The following EIPR1 variants were observed in gnomAD, a reference collection of about 807,000 sequenced individuals.
EIPR1 encodes the protein EARP and GARP complex-interacting protein 1.
EIPR1 carries 25 observed loss-of-function variants against 48.1 expected under a neutral mutation model. That is an observed-to-expected ratio of 0.52 (90% CI 0.38 to 0.73). The LOEUF is 0.73. Ranked by LOEUF, EIPR1 falls within the 30% of genes least tolerant of loss-of-function variation. The pLI, the probability that EIPR1 is intolerant of heterozygous loss-of-function variation, is 0.00. For synonymous variants in EIPR1, 204 were observed against 201.9 expected (o/e 1.01, Z -0.09); for missense variants, 415 against 506.2 (o/e 0.82, Z 1.73).
intron 4 of EIPR1, among the ~76,000 whole-genome samples, chr2:3,237,501 C>T (rs1221147043): frequency 6.6e-6 from 1 of 152,148 alleles, no homozygotes; most frequent in Non-Finnish European, 1.5e-5. Flanking sequence ...TATACTTTAT[C>T]GTATGTATTG....
intron 3 of EIPR1, among the ~76,000 whole-genome samples, chr2:3,315,122 C>A (rs1183956939): frequency 7.2e-6 from 1 of 139,398 alleles, no homozygotes; most frequent in African/African-American, 3.0e-5. Flanking sequence ...CCTCCGTCCA[C>A]ACCACCATCA....
chr2:3,328,190 G>A (rs1669757584), intron 3 of EIPR1, among the ~76,000 whole-genome samples: 1 of 152,202 alleles, frequency 6.6e-6, no homozygotes, highest in African/African-American at 2.4e-5. Flanking sequence ...ACCTGTCACA[G>A]CAGACTACCT....
intron 2 of EIPR1, among the ~76,000 whole-genome samples, chr2:3,338,791 T>C (rs190376666): frequency 6.6e-6 from 1 of 152,364 alleles, no homozygotes; most frequent in Admixed American, 6.5e-5. Flanking sequence ...AAGTTAAATA[T>C]ACTATCTCCA....
At chr2:3,243,592 C>T (rs1172117315) in intron 4 of EIPR1, among the ~76,000 whole-genome samples, 2 of 152,150 alleles carry the variant, frequency 1.3e-5, no homozygotes, top group East Asian at 1.9e-4. Flanking sequence ...GATCGCGCCA[C>T]TGCACTCCAG....
chr2:3,270,096 A>G (rs1047728861), intron 3 of EIPR1, among the ~76,000 whole-genome samples: 5 of 152,278 alleles, frequency 3.3e-5, no homozygotes, highest in Admixed American at 1.3e-4. Context: ...GCAGATGGGC[A>G]GAGATATGGA....
At chr2:3,217,680 G>A (rs971574524) in intron 4 of EIPR1, among the ~76,000 whole-genome samples, 1 of 152,180 alleles carries the variant, frequency 6.6e-6, no homozygotes, top group African/African-American at 2.4e-5. Context: ...TCCACAGAGA[G>A]AGGCAGACAC....
At chr2:3,190,679 C>G (rs1250412423) in intron 8 of EIPR1, among the ~76,000 whole-genome samples, 1 of 152,184 alleles carries the variant, frequency 6.6e-6, no homozygotes, top group Non-Finnish European at 1.5e-5. Context: ...TGAGGAAGTG[C>G]AGACTCCCTG....
intron 5 of EIPR1, among the ~76,000 whole-genome samples, chr2:3,213,278 T>C (rs1319044980): frequency 6.6e-6 from 1 of 152,188 alleles, no homozygotes; most frequent in Non-Finnish European, 1.5e-5. Flanking sequence ...TACTTTAACA[T>C]AAACAAACGC....
chr2:3,217,075 A>G (rs1227398051), intron 4 of EIPR1, among the ~76,000 whole-genome samples: 2 of 152,240 alleles, frequency 1.3e-5, no homozygotes, highest in African/African-American at 4.8e-5. Context: ...ACAAGAGAAC[A>G]TAATTGTGGA....
intron 3 of EIPR1, among the ~76,000 whole-genome samples, chr2:3,311,282 A>G (rs1003418684): frequency 1.3e-5 from 2 of 152,318 alleles, no homozygotes; most frequent in South Asian, 4.1e-4. Flanking sequence ...TCTCAAGATG[A>G]TCTCTTCCTA....
intron 4 of EIPR1, among the ~76,000 whole-genome samples, chr2:3,246,186 C>G (rs2103196777): frequency 6.6e-6 from 1 of 152,328 alleles, no homozygotes; most frequent in East Asian, 1.9e-4. Flanking sequence ...CATAGGGTCT[C>G]TGAGACTTTC....
chr2:3,342,087 T>A (rs185046160), intron 2 of EIPR1, among the ~76,000 whole-genome samples: 2 of 152,310 alleles, frequency 1.3e-5, no homozygotes, highest in Admixed American at 6.5e-5. Context: ...AAGAACTACA[T>A]AAATGTTGAA....
intron 3 of EIPR1, among the ~76,000 whole-genome samples, chr2:3,328,881 C>T (rs1669788430): frequency 2.1e-5 from 3 of 143,550 alleles, no homozygotes; most frequent in Non-Finnish European, 4.6e-5. Context: ...ACCCACCACA[C>T]TCTAATGATC....
At chr2:3,365,263 C>A (rs895119189) in intron 1 of EIPR1, among the ~76,000 whole-genome samples, 2 of 151,752 alleles carry the variant, frequency 1.3e-5, no homozygotes, top group African/African-American at 4.8e-5. Context: ...ATGATGAGAC[C>A]CCCCATCTCA....
intron 1 of EIPR1, among the ~76,000 whole-genome samples, chr2:3,371,403 C>G (rs12463541): frequency 0.16 from 24,606 of 152,092 alleles, 2,219 homozygotes; most frequent in Non-Finnish European, 0.2. Context: ...AATGTAAATG[C>G]ACTAAATGCT....
chr2:3,281,916 G>C (rs1668025525), intron 3 of EIPR1, among the ~76,000 whole-genome samples: 1 of 152,170 alleles, frequency 6.6e-6, no homozygotes. Context: ...CGGGATGATA[G>C]AGACCCTTTT....
intron 3 of EIPR1, among the ~76,000 whole-genome samples, chr2:3,289,849 C>T (rs1371373276): frequency 6.6e-6 from 1 of 152,186 alleles, no homozygotes; most frequent in Non-Finnish European, 1.5e-5. Context: ...TACATGCTTG[C>T]TCAGGCCACA....
intron 4 of EIPR1, among the ~76,000 whole-genome samples, chr2:3,252,513 C>A (rs1295708961): frequency 6.6e-6 from 1 of 152,150 alleles, no homozygotes; most frequent in Non-Finnish European, 1.5e-5. Context: ...ATTGCTTGAA[C>A]CCGGGAGACA....
intron 4 of EIPR1, among the ~76,000 whole-genome samples, chr2:3,218,509 C>G (rs1665731497): frequency 6.7e-6 from 1 of 148,776 alleles, no homozygotes; most frequent in African/African-American, 2.5e-5. Context: ...CTGGTATACT[C>G]TAGAGCATTC....
Sources: allele counts gnomAD v4.1 joint callset (sites outside exome capture counted in the v4.1 genomes callset), GRCh38; gene constraint gnomAD v4.1.1; transcripts MANE v1.5; gene names NCBI Gene and HGNC (gene_info 2026-07-23, HGNC 2026-07-21).